The following FAM193A variants were observed in gnomAD, a reference collection of about 807,000 sequenced individuals.
FAM193A encodes family with sequence similarity 193 member A.
In FAM193A, 22 loss-of-function variants were observed where a neutral mutation model predicts 126.5. The ratio of observed to expected loss-of-function variants is 0.17; its 90% confidence interval spans 0.12 to 0.25. The LOEUF (loss-of-function observed/expected upper bound fraction) is 0.25. Among genes scored for constraint, FAM193A ranks in the 10% least tolerant of loss-of-function variants. The pLI is 1.00. For synonymous variants in FAM193A, 761 were observed against 646.8 expected (o/e 1.18, Z -2.68); for missense variants, 1,675 against 1,672.8 (o/e 1.00, Z -0.02).
At chr4:2,614,989 A>C (rs918425086) in intron 2 of FAM193A, 1 of 152,114 alleles carries the variant, frequency 6.6e-6, no homozygotes, top group African/African-American at 2.4e-5. Flanking sequence ...TTTTTCCCCT[A>C]AGACTGGCTA....
chr4:2,693,050 ATT>A (rs11342315), intron 15 of FAM193A, among the ~76,000 whole-genome samples: 434 of 147,162 alleles, frequency 2.9e-3, no homozygotes, highest in African/African-American at 8.5e-3. Context: ...GAAAAAGGTG[ATT>A]TTTTTTTTTT....
At chr4:2,608,189 T>G (rs1193131799) in intron 2 of FAM193A, 6 of 1,508,732 alleles carry the variant, frequency 4.0e-6, no homozygotes, top group Non-Finnish European at 5.5e-6. Context: ...ACTTCATTTT[T>G]CTTTTCTGTT....
At position 2,732,289 on chromosome 4, in the gene FAM193A, G is replaced by C. The variant is rs1290241591; in HGVS notation, c.*421G>C. 4.8e-6 allele frequency: 1 copy of C among 207,868 alleles called. No individual in the cohort carries two copies. 12.9% of individuals were successfully genotyped at this position (207,868 alleles called of 1,614,324 possible). On this transcript the variant is annotated 3_prime_UTR_variant, in exon 21 of 21. Coordinates refer to ENST00000637812, the MANE Select transcript of FAM193A (RefSeq NM_001366318.2). ...CCCTGCGTCTCACCCTAGGCGGGCT[G>C]GGCGGGGCAGGCCTCCTTTGTTCTC...
At chr4:2,609,293 T>C (rs1741721264) in intron 2 of FAM193A, among the ~76,000 whole-genome samples, 2 of 152,202 alleles carry the variant, frequency 1.3e-5, no homozygotes, top group Admixed American at 6.5e-5. Context: ...CATTTGCATA[T>C]GTTTAACAAA....
intron 19 of FAM193A, among the ~76,000 whole-genome samples, chr4:2,703,801 TAAA>T (rs34569439): frequency 7.7e-6 from 1 of 129,074 alleles, no homozygotes; most frequent in Non-Finnish European, 1.7e-5. Context: ...CCATCTCTAC[TAAA>T]AAAAAAAAAA....
intron 1 of FAM193A, among the ~76,000 whole-genome samples, chr4:2,577,420 TTG>T (rs1560455582): frequency 7.0e-5 from 9 of 128,976 alleles, no homozygotes; most frequent in East Asian, 2.0e-4. Context: ...GGTTTTTTTT[TTG>T]TTTTTTTTTT....
At chr4:2,703,801 TA>T (rs34569439) in intron 19 of FAM193A, among the ~76,000 whole-genome samples, 18,600 of 128,970 alleles carry the variant, frequency 0.14, 1,813 homozygotes, top group African/African-American at 0.3. Flanking sequence ...CCATCTCTAC[TA>T]AAAAAAAAAA....
chr4:2,722,004 A>G (rs1224720301), intron 20 of FAM193A, among the ~76,000 whole-genome samples: 1 of 152,254 alleles, frequency 6.6e-6, no homozygotes. Flanking sequence ...ATATGAGGCC[A>G]CACAGCACAA....
chr4:2,562,719 T>G (rs1441362595), intron 1 of FAM193A, among the ~76,000 whole-genome samples: 1 of 150,710 alleles, frequency 6.6e-6, no homozygotes, highest in East Asian at 1.9e-4. Context: ...AACCTCCGCC[T>G]CCCGGGTTCA....
intron 1 of FAM193A, among the ~76,000 whole-genome samples, chr4:2,587,508 C>G (rs1240511953): frequency 6.6e-6 from 1 of 152,052 alleles, no homozygotes; most frequent in Non-Finnish European, 1.5e-5. Flanking sequence ...GCCTGGCGAC[C>G]TAGCAAAACC....
At chr4:2,705,464 C>CT (rs11403387) in intron 19 of FAM193A, among the ~76,000 whole-genome samples, 61,183 of 149,638 alleles carry the variant, frequency 0.41, 13,127 homozygotes, top group Admixed American at 0.58. Flanking sequence ...TGTGTAGTTT[C>CT]TTTTTTTTTC....
intron 2 of FAM193A, among the ~76,000 whole-genome samples, chr4:2,612,432 G>A (rs1741935713): frequency 6.6e-6 from 1 of 152,066 alleles, no homozygotes; most frequent in South Asian, 2.1e-4. Flanking sequence ...CCAGGAGGTG[G>A]AGGTTGCAGT....
At chr4:2,653,195 G>A (rs765135548) in intron 7 of FAM193A, among the ~76,000 whole-genome samples, 4 of 152,156 alleles carry the variant, frequency 2.6e-5, no homozygotes, top group Non-Finnish European at 5.9e-5. Flanking sequence ...AATCCTTTGG[G>A]AATAGTAATT....
intron 19 of FAM193A, among the ~76,000 whole-genome samples, chr4:2,712,260 CATTA>C (rs1719062163): frequency 6.6e-6 from 1 of 152,134 alleles, no homozygotes; most frequent in Admixed American, 6.5e-5. Flanking sequence ...CTCCATGATA[CATTA>C]ATTCTGTTGT....
chr4:2,598,544 C>T (rs1022171940), intron 2 of FAM193A, among the ~76,000 whole-genome samples: 5 of 152,322 alleles, frequency 3.3e-5, no homozygotes, highest in South Asian at 4.1e-4. Context: ...CAGTGGCCTT[C>T]GGGGTCTCAT....
upstream of FAM193A, among the ~76,000 whole-genome samples, chr4:2,536,198 C>T (rs1293690761): frequency 2.0e-5 from 3 of 151,308 alleles, no homozygotes; most frequent in Admixed American, 1.3e-4. Context: ...GGACACCGGT[C>T]AGAGAGGCGG....
chr4:2,609,217 C>T (rs559198473), intron 2 of FAM193A, among the ~76,000 whole-genome samples: 2 of 152,166 alleles, frequency 1.3e-5, no homozygotes, highest in South Asian at 4.2e-4. Context: ...AAAAATATTT[C>T]ACTTTAAACC....
chr4:2,658,362 T>A (rs1313436562), intron 8 of FAM193A, among the ~76,000 whole-genome samples: 1 of 152,124 alleles, frequency 6.6e-6, no homozygotes, highest in East Asian at 1.9e-4. Context: ...ATCTGGACTC[T>A]CCCTTCCTCA....
At chr4:2,566,614 G>A (rs1000455606) in intron 1 of FAM193A, among the ~76,000 whole-genome samples, 3 of 151,994 alleles carry the variant, frequency 2.0e-5, no homozygotes, top group Non-Finnish European at 4.4e-5. Flanking sequence ...ACTTGAACCT[G>A]GGAGGCGAGG....
Sources: gnomAD v4.1 joint callset for allele counts (sites outside exome capture counted in the v4.1 genomes callset) on GRCh38, gnomAD v4.1.1 for gene constraint, MANE v1.5 for transcripts, NCBI Gene and HGNC (gene_info 2026-07-23, HGNC 2026-07-21) for gene names.